The following CNTNAP2 variants were observed in gnomAD, a reference collection of about 807,000 sequenced individuals.
CNTNAP2 encodes contactin-associated protein-like 2.
In CNTNAP2, 98 loss-of-function variants were observed where a neutral mutation model predicts 155.2. The ratio of observed to expected loss-of-function variants is 0.63; its 90% CI spans 0.54 to 0.75. CNTNAP2 has a LOEUF of 0.75. Among genes scored for constraint, CNTNAP2 ranks in the 30% least tolerant of loss-of-function variants. The pLI is 0.00. For missense variants in CNTNAP2, 1,727 were observed against 1,688.1 expected (o/e 1.02, Z -0.40); for synonymous variants, 651 against 631.2 (o/e 1.03, Z -0.47).
intron 13 of CNTNAP2, among the ~76,000 whole-genome samples, chr7:147,823,479 G>A (rs1798394052): frequency 6.6e-6 from 1 of 152,044 alleles, no homozygotes; most frequent in Non-Finnish European, 1.5e-5. Flanking sequence ...GAAATAATGG[G>A]GAGGTTAAGA....
rs137938518 is a variant in CNTNAP2 at position 148,352,522 on chromosome 7, G to A, written c.3476-31127G>A. On this transcript the variant is annotated intron_variant, in intron 21 of 23. Transcript: ENST00000361727. ...TGAAACCAGCCAATGTGAATGTGCCGCCAAATTGGACCTGGTTATATTTGT... is the reference window on the plus strand; with the variant it reads ...TGAAACCAGCCAATGTGAATGTGCCACCAAATTGGACCTGGTTATATTTGT... Among the ~76,000 whole-genome samples the A allele has an allele frequency of 8.5e-5, 13 of 152,266 alleles. No individual in the cohort carries two copies. In the East Asian group the frequency reaches 2.1e-3, roughly 25 times the overall value.
intron 3 of CNTNAP2, among the ~76,000 whole-genome samples, chr7:146,840,259 G>A (rs1481219997): frequency 6.6e-6 from 1 of 152,098 alleles, no homozygotes; most frequent in Admixed American, 6.6e-5. Context: ...GGAAAATATT[G>A]AAATTATGAA....
chr7:146,530,457 A>T (rs1432988959), intron 1 of CNTNAP2, among the ~76,000 whole-genome samples: 1 of 152,202 alleles, frequency 6.6e-6, no homozygotes, highest in Non-Finnish European at 1.5e-5. Flanking sequence ...ACAGAATGGG[A>T]GAAAATAGTT....
rs370961669 is a variant in CNTNAP2, at chr7:146,824,862, GT to G, written c.209-14835del. ...AAGGTGTACAAAGAATTTTGGACCTGTTTTTTTTTTTTTTATTTGATTTTCA... is the reference window on the plus strand; with the variant it reads ...AAGGTGTACAAAGAATTTTGGACCTGTTTTTTTTTTTTTATTTGATTTTCA... On this transcript the variant is annotated intron_variant, in intron 2 of 23. Transcript: ENST00000361727. Among the ~76,000 whole-genome samples, 504 of 143,662 alleles carry G rather than the reference GT, an allele frequency of 3.5e-3. 3 individuals are homozygous for G. Among genetic ancestry groups the G allele is most frequent in the African/African-American group, 0.012 (484 of 39,394 alleles). The allele number at this position is 143,662 out of a possible 152,430, so 94.2% of individuals were successfully genotyped here.
chr7:147,386,068 C>A (rs1334832582), intron 9 of CNTNAP2, among the ~76,000 whole-genome samples: 1 of 152,154 alleles, frequency 6.6e-6, no homozygotes, highest in Admixed American at 6.5e-5. Context: ...AGCAGCAGTC[C>A]AAGCTGTATC....
intron 9 of CNTNAP2, among the ~76,000 whole-genome samples, chr7:147,369,144 A>G (rs1171052913): frequency 6.6e-6 from 1 of 152,216 alleles, no homozygotes; most frequent in Non-Finnish European, 1.5e-5. Flanking sequence ...TATTTTATAG[A>G]CACAAAGTAA....
chr7:147,650,966 G>A lies in CNTNAP2; in HGVS notation c.2098+11660G>A, dbSNP rs376267778. Among the ~76,000 whole-genome samples, 11 of 152,238 alleles carry A rather than the reference G, an allele frequency of 7.2e-5. No individual in the cohort carries two copies. The Middle Eastern group carries it at 0.01, about 141-fold the overall frequency. On this transcript the variant is annotated intron_variant, in intron 13 of 23. Coordinates refer to ENST00000361727, the MANE Select transcript of CNTNAP2 (RefSeq NM_014141.6). The stretch of plus-strand genomic sequence containing the variant: ...TAATGACTTCCAAACATTTTGATAT[G>A]TGTATTTTGCATTAGGTAATTCTGC...
intron 1 of CNTNAP2, among the ~76,000 whole-genome samples, chr7:146,547,769 G>T (rs531847721): frequency 1.3e-5 from 2 of 151,828 alleles, no homozygotes; most frequent in East Asian, 3.9e-4. Flanking sequence ...GATAAACGTG[G>T]AAGTGCTAAT....
chr7:147,595,320 C>T (rs903323277), intron 12 of CNTNAP2, among the ~76,000 whole-genome samples: 1 of 152,130 alleles, frequency 6.6e-6, no homozygotes, highest in Non-Finnish European at 1.5e-5. Context: ...ATCCCTTAAC[C>T]TTAGCATTCA....
intron 3 of CNTNAP2, among the ~76,000 whole-genome samples, chr7:146,871,538 T>A (rs959296414): frequency 7.3e-5 from 11 of 150,038 alleles, no homozygotes; most frequent in African/African-American, 2.5e-4. Context: ...TAAAAAAAAA[T>A]AAATAAATAA....
chr7:147,530,186 C>CT (rs35151574), intron 11 of CNTNAP2, among the ~76,000 whole-genome samples: 30,776 of 136,244 alleles, frequency 0.23, 3,772 homozygotes, highest in East Asian at 0.33. Flanking sequence ...GCAAAAGGCA[C>CT]TTTTTTTTTT....
At chr7:147,301,138 G>T (rs2116771568) in intron 9 of CNTNAP2, among the ~76,000 whole-genome samples, 1 of 152,234 alleles carries the variant, frequency 6.6e-6, no homozygotes, top group Middle Eastern at 3.4e-3. Flanking sequence ...TTTTAAAGGT[G>T]CCTACCACAG....
At chr7:148,223,488 T>C (rs1167374329) in intron 19 of CNTNAP2, among the ~76,000 whole-genome samples, 1 of 152,124 alleles carries the variant, frequency 6.6e-6, no homozygotes, top group African/African-American at 2.4e-5. Context: ...AAGTCCCTTA[T>C]AACTGCTTTA....
At chr7:147,138,676 T>C (rs1197545746) in intron 8 of CNTNAP2, among the ~76,000 whole-genome samples, 1 of 151,986 alleles carries the variant, frequency 6.6e-6, no homozygotes, top group Non-Finnish European at 1.5e-5. Context: ...TTTATGATGT[T>C]AGATATTGAC....
chr7:147,904,900 TACAC>T lies in CNTNAP2; in HGVS notation c.2255+1206_2255+1209del, dbSNP rs58242194. 6.3e-3 allele frequency among the ~76,000 whole-genome samples: 944 copies of T among 148,992 alleles called. 11 individuals are homozygous for T. Among genetic ancestry groups the T allele is most frequent in the African/African-American group, 0.016 (640 of 40,512 alleles). ...ATTTTATTTCTTTGAAAGATGTATCTACACACACACACACACACACACACACACA... is the reference window on the plus strand; with the variant it reads ...ATTTTATTTCTTTGAAAGATGTATCTACACACACACACACACACACACACA... On this transcript the variant is annotated intron_variant, in intron 14 of 23. Coordinates refer to ENST00000361727, the MANE Select transcript of CNTNAP2 (RefSeq NM_014141.6).
At chr7:146,578,778 T>C (rs1453819965) in intron 1 of CNTNAP2, among the ~76,000 whole-genome samples, 1 of 152,158 alleles carries the variant, frequency 6.6e-6, no homozygotes, top group Non-Finnish European at 1.5e-5. Context: ...TTATACTCCT[T>C]ACCACATGTT....
chr7:147,651,388 T>G (rs974050567), intron 13 of CNTNAP2, among the ~76,000 whole-genome samples: 1 of 152,252 alleles, frequency 6.6e-6, no homozygotes, highest in African/African-American at 2.4e-5. Context: ...AAAATGCCTA[T>G]GCAGCAACAC....
intron 15 of CNTNAP2, among the ~76,000 whole-genome samples, chr7:148,106,464 A>C: frequency 6.8e-6 from 1 of 147,490 alleles, no homozygotes; most frequent in African/African-American, 2.6e-5. Context: ...CCCCACCCCC[A>C]TGGCACTTCA....
intron 3 of CNTNAP2, among the ~76,000 whole-genome samples, chr7:146,882,002 G>A (rs1795561873): frequency 6.6e-6 from 1 of 151,728 alleles, no homozygotes; most frequent in African/African-American, 2.4e-5. Flanking sequence ...GTCTGTTGTT[G>A]CCATCTTTGT....
Sources: gnomAD v4.1 joint callset for allele counts (sites outside exome capture counted in the v4.1 genomes callset) on GRCh38, gnomAD v4.1.1 for gene constraint, MANE v1.5 for transcripts, NCBI Gene and HGNC (gene_info 2026-07-23, HGNC 2026-07-21) for gene names.